GPC5: variants seen among roughly 807,000 people sequenced by gnomAD.
The protein encoded by GPC5 is glypican 5, also known as glypican-5.
In GPC5, 47 loss-of-function variants were observed where a neutral mutation model predicts 53.9. That is an observed-to-expected ratio of 0.87 (90% confidence interval 0.69 to 1.11). The LOEUF is 1.11. Among genes scored for constraint, GPC5 ranks in the 50% most tolerant of loss-of-function variants. The pLI, the probability that GPC5 is intolerant of heterozygous loss-of-function variation, is 0.00. For synonymous variants in GPC5, 286 were observed against 263.3 expected (o/e 1.09, Z -0.84); for missense variants, 748 against 713.1 (o/e 1.05, Z -0.56).
chr13:91,861,107 C>G (rs570387299), intron 5 of GPC5, among the ~76,000 whole-genome samples: 4 of 152,206 alleles, frequency 2.6e-5, no homozygotes, highest in African/African-American at 9.6e-5. Context: ...AACTTAAAAT[C>G]CGTTTAAACT....
intron 7 of GPC5, among the ~76,000 whole-genome samples, chr13:92,496,056 T>C (rs958190173): frequency 3.9e-5 from 6 of 152,170 alleles, no homozygotes; most frequent in Non-Finnish European, 8.8e-5. Context: ...TATTTTGTTA[T>C]GGTTTTCCCA....
rs78396848 is a variant in GPC5 at position 91,985,057 on chromosome 13, T to C, written c.1401+77000T>C. ...TTTCTAATTAGAAAGTTATCGTAAA[T>C]TATTCAGCTATGATTATGCATTTGT... On this transcript the variant is annotated intron_variant, in intron 6 of 7. Transcript: ENST00000377067. Among the ~76,000 whole-genome samples the C allele has an allele frequency of 5.4e-3, 820 of 152,336 alleles. 13 individuals are homozygous for C. The highest frequency in any genetic ancestry group is 0.019 in the African/African-American group (789 of 41,578).
intron 7 of GPC5, among the ~76,000 whole-genome samples, chr13:92,329,346 A>G (rs9589506): frequency 0.41 from 62,077 of 151,822 alleles, 12,885 homozygotes; most frequent in Middle Eastern, 0.51. Context: ...AGGAACAAGA[A>G]GGAGAGAGGA....
chr13:92,141,847 C>T (rs1182945634), intron 6 of GPC5, among the ~76,000 whole-genome samples: 1 of 152,074 alleles, frequency 6.6e-6, no homozygotes, highest in South Asian at 2.1e-4. Flanking sequence ...GACTTCAATT[C>T]CTTGCTGGCT....
chr13:92,378,313 C>T (rs1031910918), intron 7 of GPC5, among the ~76,000 whole-genome samples: 1 of 152,066 alleles, frequency 6.6e-6, no homozygotes, highest in East Asian at 1.9e-4. Flanking sequence ...GACAATGAGA[C>T]GATTGTATTA....
chr13:92,587,959 C>G (rs1054194740), intron 7 of GPC5, among the ~76,000 whole-genome samples: 2 of 151,776 alleles, frequency 1.3e-5, no homozygotes, highest in East Asian at 3.9e-4. Context: ...GCTGAACATG[C>G]AGGTTTTTTA....
chr13:92,241,673 G>C (rs1392481686), intron 7 of GPC5: 3 of 152,098 alleles, frequency 2.0e-5, no homozygotes, highest in African/African-American at 7.2e-5. Flanking sequence ...TTACAAGTGA[G>C]TTTTGATATT....
intron 6 of GPC5, among the ~76,000 whole-genome samples, chr13:92,001,544 A>T (rs1358997595): frequency 6.6e-6 from 1 of 152,200 alleles, no homozygotes; most frequent in Non-Finnish European, 1.5e-5. Context: ...TAGAGCAGGT[A>T]TGCTGATATT....
chr13:92,297,883 G>A (rs1035814622), intron 7 of GPC5, among the ~76,000 whole-genome samples: 31 of 152,002 alleles, frequency 2.0e-4, no homozygotes, highest in African/African-American at 7.0e-4. Flanking sequence ...AACACTCACC[G>A]CGAAGATCTG....
At chr13:92,100,107 T>TA (rs1033921808) in intron 6 of GPC5, among the ~76,000 whole-genome samples, 5 of 151,854 alleles carry the variant, frequency 3.3e-5, no homozygotes, top group Admixed American at 2.6e-4. Context: ...AAAACTACAT[T>TA]AAAAAAATAA....
At position 91,801,253 on chromosome 13, in the gene GPC5, T is replaced by TCGTGTGTGTG. The variant is rs144524846; in HGVS notation, c.1280+44833_1280+44834insCGTGTGTGTG. 2.7e-5 allele frequency among the ~76,000 whole-genome samples: 4 copies of TCGTGTGTGTG among 146,400 alleles called. No homozygotes were observed. The East Asian group carries it at 8.4e-4, about 31-fold the overall frequency. ...ACTAACTCCCTGTGACATCCATACT[T>TCGTGTGTGTG]TGTGTGTGTGTGTGTGTGTGTGTGT... On this transcript the variant is annotated intron_variant, in intron 5 of 7. Coordinates refer to ENST00000377067, the MANE Select transcript of GPC5 (RefSeq NM_004466.6).
intron 6 of GPC5, among the ~76,000 whole-genome samples, chr13:92,035,774 A>C (rs116383872): frequency 0.018 from 2,754 of 151,628 alleles, 101 homozygotes; most frequent in African/African-American, 0.064. Flanking sequence ...AAAACAAAAA[A>C]AACAATGTTC....
chr13:92,613,289 T>G (rs528693408), intron 7 of GPC5, among the ~76,000 whole-genome samples: 1 of 120,340 alleles, frequency 8.3e-6, no homozygotes, highest in African/African-American at 3.2e-5. Context: ...ATATATATTT[T>G]ATATATAAAA....
rs1327393549 is a variant in GPC5, at chr13:92,264,838, C to A, written c.1561+119849C>A. Among the ~76,000 whole-genome samples the A allele has an allele frequency of 3.5e-5, 5 of 142,254 alleles. No individual in the cohort carries two copies. The South Asian group carries it at 1.1e-3, about 32-fold the overall frequency. The allele number at this position is 142,254 out of a possible 152,430, so 93.3% of individuals were successfully genotyped here. On this transcript the variant is annotated intron_variant, in intron 7 of 7. Coordinates refer to ENST00000377067, the MANE Select transcript of GPC5 (RefSeq NM_004466.6). ...AAATTATTGAAACTTTTTTTTGTGT[C>A]TTGTATATGTTTAGGGTCTCTCTCT...
At position 92,467,974 on chromosome 13, in the gene GPC5, C is replaced by T. The variant is rs571931473; in HGVS notation, c.1561+322985C>T. ...AAGAAGAAACAAGTTCCTGGACCAACGAACTCAGAGTTTATTCCTCTATTA... is the reference window on the plus strand; with the variant it reads ...AAGAAGAAACAAGTTCCTGGACCAATGAACTCAGAGTTTATTCCTCTATTA... On this transcript the variant is annotated intron_variant, in intron 7 of 7. Coordinates refer to ENST00000377067, the MANE Select transcript of GPC5 (RefSeq NM_004466.6). 9.9e-5 allele frequency among the ~76,000 whole-genome samples: 15 copies of T among 152,204 alleles called. No individual in the cohort carries two copies. In the South Asian group the frequency reaches 1.2e-3, roughly 13 times the overall value.
At chr13:92,363,930 GA>G (rs1264358203) in intron 7 of GPC5, among the ~76,000 whole-genome samples, 4 of 151,700 alleles carry the variant, frequency 2.6e-5, no homozygotes, top group Non-Finnish European at 5.9e-5. Context: ...CAAGAATGCC[GA>G]AACAGTGATT....
intron 7 of GPC5, among the ~76,000 whole-genome samples, chr13:92,676,829 A>G (rs1886958579): frequency 6.6e-6 from 1 of 152,186 alleles, no homozygotes; most frequent in Admixed American, 6.6e-5. Flanking sequence ...AATTGAGTAG[A>G]AACCTTCTAT....
chr13:91,956,082 A>T (rs2139067295), intron 6 of GPC5, among the ~76,000 whole-genome samples: 1 of 152,122 alleles, frequency 6.6e-6, no homozygotes. Context: ...GGGCTTGAGA[A>T]TCACCTCCCC....
intron 7 of GPC5, among the ~76,000 whole-genome samples, chr13:92,582,288 TTATTGAAGAGACTGTTCATTCCCCA>T (rs1233161110): frequency 2.6e-5 from 4 of 152,130 alleles, no homozygotes; most frequent in African/African-American, 9.7e-5. Context: ...CCATCATCTC[TTATTGAAGAGACTGTTCATTCCCCA>T]TTGTGTGTTT....
Sources: gnomAD v4.1 joint callset for allele counts (sites outside exome capture counted in the v4.1 genomes callset) on GRCh38, gnomAD v4.1.1 for gene constraint, MANE v1.5 for transcripts, NCBI Gene and HGNC (gene_info 2026-07-23, HGNC 2026-07-21) for gene names.